The following PDE1A variants were observed in gnomAD, a reference collection of about 807,000 sequenced individuals.
PDE1A encodes the protein phosphodiesterase 1A.
A neutral mutation model predicts 61.7 loss-of-function variants in PDE1A; 35 were observed. The observed-to-expected ratio is 0.57, with a 90% CI of 0.43 to 0.75. PDE1A has a LOEUF of 0.75. Among genes scored for constraint, PDE1A ranks in the 30% least tolerant of loss-of-function variants. The pLI, the probability that PDE1A is intolerant of heterozygous loss-of-function variation, is 0.00. For synonymous variants in PDE1A, 232 were observed against 213.2 expected, an observed-to-expected ratio of 1.09 and a Z score of -0.77; for missense variants, 597 against 630.6, an observed-to-expected ratio of 0.95 and a Z score of 0.57.
chr2:182,526,489 A>G (rs1364461426), upstream of PDE1A, among the ~76,000 whole-genome samples: 2 of 152,246 alleles, frequency 1.3e-5, no homozygotes, highest in Admixed American at 1.3e-4. Flanking sequence ...CTACCCATGT[A>G]GTCAATTTGT....
chr2:182,440,635 A>C (rs1164283309), intron 2 of PDE1A, among the ~76,000 whole-genome samples: 3 of 152,110 alleles, frequency 2.0e-5, no homozygotes. Flanking sequence ...ATGAATTAAC[A>C]GTACATAAAA....
intron 13 of PDE1A, among the ~76,000 whole-genome samples, chr2:182,169,292 G>GA (rs935551534): frequency 2.0e-5 from 3 of 151,782 alleles, no homozygotes; most frequent in Non-Finnish European, 2.9e-5. Flanking sequence ...ATTGTACATT[G>GA]AAAAAAACAT....
the PDE1A span, among the ~76,000 whole-genome samples, chr2:182,660,401 T>G: frequency 2.0e-5 from 3 of 152,304 alleles, no homozygotes; most frequent in South Asian, 6.2e-4. Context: ...CCATTGCCCC[T>G]CATCCTGTAT....
Position 182,150,865 on chromosome 2 carries a change from A to T in PDE1A, c.1517-3713T>A, listed in dbSNP as rs1176908777. ...TTAGACTCATGGTGCTGTGAATAAG[A>T]CTTGCAGGGAATTACACCAAACACA... On this transcript the variant is annotated intron_variant, in intron 13 of 13. Coordinates refer to the PDE1A transcript ENST00000409365. Among the ~76,000 whole-genome samples, 3 of 152,300 alleles carry T rather than the reference A, an allele frequency of 2.0e-5. 1 individual carries two copies. Among genetic ancestry groups the T allele is most frequent in the Admixed American group, 2.0e-4 (3 of 15,298 alleles).
At chr2:182,570,328 T>C in the PDE1A span, among the ~76,000 whole-genome samples, 18 of 152,190 alleles carry the variant, frequency 1.2e-4, no homozygotes, top group Non-Finnish European at 2.5e-4. Context: ...CATATTTGAC[T>C]CTAAGACACA....
At chr2:182,626,744 T>TAC in the PDE1A span, among the ~76,000 whole-genome samples, 30 of 45,318 alleles carry the variant, frequency 6.6e-4, no homozygotes, top group African/African-American at 2.6e-3. Context: ...TATACATATA[T>TAC]ATACATATAT....
At chr2:182,252,239 T>G (rs1424972062) in intron 2 of PDE1A, among the ~76,000 whole-genome samples, 2 of 152,248 alleles carry the variant, frequency 1.3e-5, no homozygotes, top group Admixed American at 1.3e-4. Context: ...CTTATTTTGA[T>G]GCATATGTTG....
the PDE1A span, among the ~76,000 whole-genome samples, chr2:182,709,705 T>C: frequency 6.6e-6 from 1 of 152,224 alleles, no homozygotes; most frequent in Non-Finnish European, 1.5e-5. Flanking sequence ...ACATATCTCA[T>C]ACATATATCA....
At chr2:182,197,222 C>T (rs1216624613) in intron 10 of PDE1A, among the ~76,000 whole-genome samples, 1 of 151,484 alleles carries the variant, frequency 6.6e-6, no homozygotes, top group East Asian at 1.9e-4. Flanking sequence ...TTGTACATTT[C>T]CTTTTATAAA....
intron 2 of PDE1A, among the ~76,000 whole-genome samples, chr2:182,262,763 CA>C (rs35323523): frequency 0.27 from 40,399 of 151,738 alleles, 5,516 homozygotes; most frequent in Middle Eastern, 0.36. Flanking sequence ...TTTCCTTTTT[CA>C]GTGAAAAAAG....
At chr2:182,240,856 C>T (rs1008068916) in intron 2 of PDE1A, among the ~76,000 whole-genome samples, 3 of 151,600 alleles carry the variant, frequency 2.0e-5, no homozygotes, top group East Asian at 1.9e-4. Context: ...GTGCTCCCAA[C>T]GATATCCATT....
the PDE1A span, among the ~76,000 whole-genome samples, chr2:182,699,900 T>C: frequency 1.9e-3 from 290 of 152,312 alleles, 1 homozygote; most frequent in African/African-American, 6.7e-3. Context: ...TAAATTGGCA[T>C]AGCTAGGATT....
intron 1 of PDE1A, among the ~76,000 whole-genome samples, chr2:182,376,024 T>C (rs982552273): frequency 9.9e-5 from 15 of 152,224 alleles, no homozygotes; most frequent in Admixed American, 2.6e-4. Flanking sequence ...CCCTGGGCCC[T>C]GCCCATGAAA....
chr2:182,561,255 G>C, the PDE1A span, among the ~76,000 whole-genome samples: 1 of 152,140 alleles, frequency 6.6e-6, no homozygotes, highest in African/African-American at 2.4e-5. Context: ...AAGGGATCCA[G>C]TTTCAGCTTT....
At chr2:182,329,884 G>A (rs1697289729) in intron 1 of PDE1A, among the ~76,000 whole-genome samples, 2 of 152,180 alleles carry the variant, frequency 1.3e-5, no homozygotes, top group Non-Finnish European at 2.9e-5. Context: ...TTCCATGAAA[G>A]CGGGTTGTTT....
chr2:182,690,269 C>CA, the PDE1A span, among the ~76,000 whole-genome samples: 5 of 152,152 alleles, frequency 3.3e-5, no homozygotes. Flanking sequence ...AACATCGATG[C>CA]AAAATCCTCA....
chr2:182,257,745 G>A (rs1691923026), intron 2 of PDE1A, among the ~76,000 whole-genome samples: 1 of 152,198 alleles, frequency 6.6e-6, no homozygotes, highest in Non-Finnish European at 1.5e-5. Flanking sequence ...CCTGAACTCA[G>A]GACAGCAAGA....
chr2:182,493,454 C>T (rs1688520265), intron 2 of PDE1A, among the ~76,000 whole-genome samples: 1 of 152,002 alleles, frequency 6.6e-6, no homozygotes, highest in Non-Finnish European at 1.5e-5. Context: ...GTGACAGGCC[C>T]CGGTGTGTGA....
At chr2:182,679,350 A>ATTTTTTTTTTTTTTT in the PDE1A span, among the ~76,000 whole-genome samples, 2 of 119,450 alleles carry the variant, frequency 1.7e-5, no homozygotes, top group African/African-American at 3.3e-5. Flanking sequence ...TGCTCAGCTA[A>ATTTTTTTTTTTTTTT]TTTTTTTTTT....
Sources: gnomAD v4.1 joint callset for allele counts (sites outside exome capture counted in the v4.1 genomes callset) on GRCh38, gnomAD v4.1.1 for gene constraint, MANE v1.5 for transcripts, NCBI Gene and HGNC (gene_info 2026-07-23, HGNC 2026-07-21) for gene names.